The following FAM107B variants were observed in gnomAD, a reference collection of about 807,000 sequenced individuals.
FAM107B encodes protein FAM107B.
FAM107B carries 21 observed loss-of-function variants against 31.5 expected under a neutral mutation model. The observed-to-expected ratio is 0.67, with a 90% CI of 0.47 to 0.96. The LOEUF is 0.96. FAM107B is among the 40% of genes least tolerant of loss of function. The pLI, the probability that FAM107B is intolerant of heterozygous loss-of-function variation, is 0.00. For synonymous variants in FAM107B, 157 were observed against 141.5 expected, an observed-to-expected ratio of 1.11 and a Z score of -0.78; for missense variants, 452 against 377.1, an observed-to-expected ratio of 1.20 and a Z score of -1.64.
intron 2 of FAM107B, among the ~76,000 whole-genome samples, chr10:14,588,303 A>AGT (rs1851908989): frequency 6.6e-6 from 1 of 152,236 alleles, no homozygotes; most frequent in Non-Finnish European, 1.5e-5. Context: ...GTAAGTAGGA[A>AGT]ACAGGAAGCT....
At chr10:14,611,740 T>G (rs1311873008) in intron 2 of FAM107B, among the ~76,000 whole-genome samples, 1 of 151,622 alleles carries the variant, frequency 6.6e-6, no homozygotes, top group South Asian at 2.1e-4. Context: ...CCTCCCAAAA[T>G]CAAAATCAAG....
At chr10:14,683,496 C>T (rs888526343) in intron 1 of FAM107B, among the ~76,000 whole-genome samples, 9 of 152,190 alleles carry the variant, frequency 5.9e-5, no homozygotes, top group African/African-American at 1.9e-4. Flanking sequence ...AAGTTTGACG[C>T]AATCTTTTGG....
At chr10:14,618,356 T>C (rs966575643) in intron 2 of FAM107B, among the ~76,000 whole-genome samples, 4 of 152,194 alleles carry the variant, frequency 2.6e-5, no homozygotes, top group African/African-American at 7.2e-5. Context: ...AAAGCCGTTA[T>C]AAACATCTCA....
Position 14,530,504 on chromosome 10 carries a change from C to T in FAM107B, c.481G>A (p.Glu161Lys). ...EQKMTSDSPPEDIDHKDSYLI... is the reference protein window; with the variant it reads ...EQKMTSDSPPKDIDHKDSYLI... ...TATGAGTCCTTATGGTCAATATCCT[C>T]AGGTGGGCTGTCTGAAAGAGAAAGA... The change falls in exon 3 of 5, where the codon GAG becomes AAG. Residue 161 changes from glutamate (E) to lysine (K), a missense_variant. Glu to Lys is a moderately conservative substitution (Grantham distance 56). Coordinates refer to ENST00000181796, the MANE Select transcript of FAM107B (RefSeq NM_031453.4). The T allele has an allele frequency of 6.2e-7, 1 of 1,612,104 alleles. No individual in the cohort carries two copies. Among genetic ancestry groups the T allele is most frequent in the South Asian group, 1.1e-5 (1 of 90,466 alleles).
intron 2 of FAM107B, among the ~76,000 whole-genome samples, chr10:14,654,441 G>A (rs976025241): frequency 6.6e-6 from 1 of 152,088 alleles, no homozygotes; most frequent in Admixed American, 6.6e-5. Context: ...TAATTCATTG[G>A]AGAAAGGTCT....
At chr10:14,742,946 C>T (rs989339579) in intron 1 of FAM107B, among the ~76,000 whole-genome samples, 4 of 152,182 alleles carry the variant, frequency 2.6e-5, no homozygotes, top group African/African-American at 9.6e-5. Context: ...CAAATGCACA[C>T]ATTTTAATCT....
intron 2 of FAM107B, among the ~76,000 whole-genome samples, chr10:14,550,237 C>T (rs1210906730): frequency 1.3e-5 from 2 of 152,124 alleles, no homozygotes; most frequent in African/African-American, 2.4e-5. Flanking sequence ...ACTTTGTAAG[C>T]GTCCATCCTC....
chr10:14,530,549 G>C, intron 2 of FAM107B, 34 bp from the exon 3 acceptor site: 1 of 1,603,758 alleles, frequency 6.2e-7, no homozygotes, highest in Non-Finnish European at 8.5e-7. Flanking sequence ...CTCATTTGCA[G>C]TTTTTGCTAA....
chr10:14,680,205 G>A (rs960696124), intron 1 of FAM107B, among the ~76,000 whole-genome samples: 3 of 152,084 alleles, frequency 2.0e-5, no homozygotes, highest in African/African-American at 7.2e-5. Context: ...ATAGAACTCT[G>A]AGCTAGCAAC....
At chr10:14,748,339 C>T (rs889985052) in intron 1 of FAM107B, among the ~76,000 whole-genome samples, 1 of 152,180 alleles carries the variant, frequency 6.6e-6, no homozygotes. Context: ...ATCTGTCATT[C>T]TTTTTGGCCA....
In FAM107B at chr10:14,739,137, G is replaced by A. The variant is rs7078110; in HGVS notation, c.411+35116C>T. 7.0e-3 allele frequency among the ~76,000 whole-genome samples: 1,064 copies of A among 152,258 alleles called. 12 individuals carry two copies. The highest frequency in any genetic ancestry group is 0.024 in the African/African-American group (1,012 of 41,538). ...GGTAAAAGCTGCCGGTCCTCTAAAG[G>A]GTAGGTCCAGAAGTAGAACAACGTT... On this transcript the variant is annotated intron_variant, in intron 1 of 4. Coordinates refer to ENST00000181796, the MANE Select transcript of FAM107B (RefSeq NM_031453.4).
At chr10:14,735,340 T>G (rs991882828) in intron 1 of FAM107B, among the ~76,000 whole-genome samples, 6 of 152,148 alleles carry the variant, frequency 3.9e-5, no homozygotes, top group African/African-American at 1.2e-4. Flanking sequence ...GAATCTTATG[T>G]GTGGCCCAAG....
intron 1 of FAM107B, among the ~76,000 whole-genome samples, chr10:14,670,026 AT>A (rs1186692195): frequency 1.4e-4 from 21 of 152,352 alleles, no homozygotes; most frequent in African/African-American, 4.8e-4. Context: ...TGTAAAAAAA[AT>A]CACAAGTACC....
At position 14,526,770 on chromosome 10, in the gene FAM107B, C is replaced by T. The variant is rs1846279905; in HGVS notation, c.653+3562G>A. On this transcript the variant is annotated intron_variant, in intron 3 of 4. Coordinates refer to ENST00000181796, the MANE Select transcript of FAM107B (RefSeq NM_031453.4). ...TTTAGGGATATGTTTAAGTAACTGA[C>T]CTATTTATTCTAAAAAGTAATCTTT... is the stretch of plus-strand genomic sequence containing the variant. Among the ~76,000 whole-genome samples the T allele has an allele frequency of 2.0e-5, 3 of 152,260 alleles. No individual in the cohort carries two copies. The South Asian group carries it at 6.2e-4, about 32-fold the overall frequency.
rs146259936 is a variant in FAM107B at position 14,700,185 on chromosome 10, G to A, written c.412-32494C>T. ...TGACCTCAAGTGACTTACCTGCCTCGGCCTCCCAAAGTGCTAGGATTACAG... is the reference window on the plus strand; with the variant it reads ...TGACCTCAAGTGACTTACCTGCCTCAGCCTCCCAAAGTGCTAGGATTACAG... On this transcript the variant is annotated intron_variant, in intron 1 of 4. Coordinates refer to ENST00000181796, the MANE Select transcript of FAM107B (RefSeq NM_031453.4). Among the ~76,000 whole-genome samples, 18 of 152,114 alleles carry A rather than the reference G, an allele frequency of 1.2e-4. No homozygotes were observed. In the East Asian group the frequency reaches 3.1e-3, roughly 26 times the overall value.
rs35147350 is a variant in FAM107B at position 14,599,853 on chromosome 10, C to CA, written c.469+67780dup. Among the ~76,000 whole-genome samples the CA allele has an allele frequency of 3.3e-3, 422 of 125,990 alleles. 1 individual carries two copies. Among genetic ancestry groups the CA allele is most frequent in the Middle Eastern group, 0.02 (5 of 252 alleles). The allele number at this position is 125,990 out of a possible 152,430, so 82.7% of individuals were successfully genotyped here. ...GGGATCACTGCTATTCCTTGATCTA[C>CA]AAAAAAAAAAAAAAAAACTCTTTTC... On this transcript the variant is annotated intron_variant, in intron 2 of 4. Coordinates refer to ENST00000181796, the MANE Select transcript of FAM107B (RefSeq NM_031453.4).
intron 2 of FAM107B, among the ~76,000 whole-genome samples, chr10:14,589,173 C>CAAA (rs148244421): frequency 5.7e-5 from 6 of 105,492 alleles, no homozygotes; most frequent in African/African-American, 2.2e-4. Context: ...GAGACTGTCT[C>CAAA]AAAAAAAAAA....
intron 1 of FAM107B, among the ~76,000 whole-genome samples, chr10:14,758,242 G>T (rs1228833711): frequency 6.6e-6 from 1 of 152,144 alleles, no homozygotes; most frequent in East Asian, 1.9e-4. Flanking sequence ...CTTCACACCT[G>T]GTAGTGGGAA....
intron 1 of FAM107B, among the ~76,000 whole-genome samples, chr10:14,733,998 C>T (rs1295671550): frequency 2.0e-5 from 3 of 152,174 alleles, no homozygotes; most frequent in Non-Finnish European, 4.4e-5. Context: ...ACGTGTTCAA[C>T]TCTTGAGCCA....
Sources: allele counts gnomAD v4.1 joint callset (sites outside exome capture counted in the v4.1 genomes callset), GRCh38; gene constraint gnomAD v4.1.1; transcripts MANE v1.5; gene names NCBI Gene and HGNC (gene_info 2026-07-23, HGNC 2026-07-21).